MID1: variants seen among roughly 807,000 people sequenced by gnomAD.
MID1 encodes midline 1.
In MID1, 7 loss-of-function variants were observed where a neutral mutation model predicts 40.4. The ratio of observed to expected loss-of-function variants is 0.17; its 90% CI spans 0.10 to 0.33. MID1 has a LOEUF of 0.33. Ranked by LOEUF, MID1 falls within the 10% of genes least tolerant of loss-of-function variation. MID1 has a pLI of 1.00. For missense variants in MID1, 367 were observed against 558.5 expected (o/e 0.66, Z 3.46); for synonymous variants, 229 against 221.2 (o/e 1.04, Z -0.31).
chrX:10,593,949 A>G (rs1935363768), intron 1 of MID1, among the ~76,000 whole-genome samples: 1 of 111,505 alleles, frequency 9.0e-6, no homozygotes, highest in African/African-American at 3.3e-5. Flanking sequence ...ATATTTCCAT[A>G]AAGGACTGAA....
chrX:10,473,462 G>A (rs1457902809), intron 6 of MID1, among the ~76,000 whole-genome samples: 2 of 112,032 alleles, frequency 1.8e-5, no homozygotes, highest in Admixed American at 9.4e-5. Context: ...GGCTAAAAAC[G>A]GCACATTGGG....
At chrX:10,463,595 T>C (rs1441608009) in intron 7 of MID1, among the ~76,000 whole-genome samples, 2 of 112,376 alleles carry the variant, frequency 1.8e-5, no homozygotes, top group Admixed American at 9.4e-5. Flanking sequence ...GCAAAACTGG[T>C]CTTTCTTTTA....
chrX:10,550,144 T>G (rs1569098957), intron 2 of MID1, among the ~76,000 whole-genome samples: 1 of 112,476 alleles, frequency 8.9e-6, no homozygotes, highest in Non-Finnish European at 1.9e-5. Flanking sequence ...CAATTAAAAC[T>G]ATTATACATC....
At chrX:10,512,659 G>A (rs937225634) in intron 3 of MID1, among the ~76,000 whole-genome samples, 7 of 112,201 alleles carry the variant, frequency 6.2e-5, no homozygotes, top group African/African-American at 2.3e-4. Flanking sequence ...CACCTGCAAA[G>A]ATGGACAAGG....
chrX:10,683,124 C>T (rs1186307122), intron 1 of MID1, among the ~76,000 whole-genome samples: 4 of 112,142 alleles, frequency 3.6e-5, no homozygotes, highest in Non-Finnish European at 5.6e-5. Context: ...TCATACTTTA[C>T]GTGAGAGCTG....
chrX:10,675,566 A>G (rs750670066), intron 1 of MID1, among the ~76,000 whole-genome samples: 1 of 111,688 alleles, frequency 9.0e-6, no homozygotes, highest in South Asian at 3.7e-4. Context: ...CTTAAGGGAT[A>G]ATTTGCTTCA....
chrX:10,506,537 T>C (rs1388905099), intron 3 of MID1: 1 of 511,387 alleles, frequency 2.0e-6, no homozygotes, highest in Non-Finnish European at 3.5e-6. Flanking sequence ...CAGGAGCTGG[T>C]TGAAAGCTGT....
chrX:10,804,144 T>C (rs185089069), intron 1 of MID1, among the ~76,000 whole-genome samples: 1 of 112,347 alleles, frequency 8.9e-6, no homozygotes, highest in East Asian at 2.8e-4. Flanking sequence ...AGAATATCCA[T>C]TTCTCTGTTT....
chrX:10,608,574 G>T (rs1339606357), intron 1 of MID1, among the ~76,000 whole-genome samples: 1 of 111,666 alleles, frequency 9.0e-6, no homozygotes, highest in African/African-American at 3.3e-5. Flanking sequence ...GTTTCTGGGG[G>T]TTAGGGATGG....
intron 1 of MID1, among the ~76,000 whole-genome samples, chrX:10,823,270 G>T (rs1158353401): frequency 1.8e-5 from 2 of 111,336 alleles, no homozygotes; most frequent in Non-Finnish European, 3.8e-5. Context: ...CTAACTGAAT[G>T]ATGAGAACAC....
At chrX:10,664,479 G>A (rs747233359) in intron 1 of MID1, among the ~76,000 whole-genome samples, 2 of 111,845 alleles carry the variant, frequency 1.8e-5, no homozygotes, top group African/African-American at 6.5e-5. Flanking sequence ...AATATGCTAC[G>A]TTTTATTTAT....
At chrX:10,553,075 C>T (rs1442731158) in intron 2 of MID1, among the ~76,000 whole-genome samples, 8 of 109,856 alleles carry the variant, frequency 7.3e-5, no homozygotes, top group Non-Finnish European at 1.5e-4. Flanking sequence ...TGGCGAAACC[C>T]CGTCTCTACT....
At chrX:10,592,256 C>T (rs1471722143) in intron 1 of MID1, among the ~76,000 whole-genome samples, 2 of 69,948 alleles carry the variant, frequency 2.9e-5, no homozygotes, top group East Asian at 1.0e-3. Context: ...AACAAAATTT[C>T]CTGCTTAGGG....
intron 2 of MID1, among the ~76,000 whole-genome samples, chrX:10,527,434 A>G (rs1932854084): frequency 1.8e-5 from 2 of 112,041 alleles, no homozygotes; most frequent in Non-Finnish European, 3.8e-5. Flanking sequence ...TTAAGATCAA[A>G]TGAGAAAATG....
At chrX:10,550,681 G>T (rs993727826) in intron 2 of MID1, among the ~76,000 whole-genome samples, 3 of 111,890 alleles carry the variant, frequency 2.7e-5, no homozygotes, top group African/African-American at 9.7e-5. Flanking sequence ...AAGATGCTTT[G>T]CTTCGACTCA....
At position 10,480,609 on chromosome X, in the gene MID1, G is replaced by T. The variant is rs912225018; in HGVS notation, c.1013+1871C>A. Among the ~76,000 whole-genome samples the T allele has an allele frequency of 3.6e-5, 4 of 111,815 alleles. No individual in the cohort carries two copies. In the Admixed American group the frequency reaches 3.8e-4, roughly 11 times the overall value. On this transcript the variant is annotated intron_variant, in intron 5 of 9. Coordinates refer to ENST00000317552, the MANE Select transcript of MID1 (RefSeq NM_000381.4). ...GCTATTTGCAGTTTTTAACTTTAGG[G>T]TGAATATTGAGCAACTGGATATGGC...
chrX:10,642,972 T>C (rs1293196240), intron 1 of MID1, among the ~76,000 whole-genome samples: 1 of 111,761 alleles, frequency 8.9e-6, no homozygotes, highest in Non-Finnish European at 1.9e-5. Context: ...TGTAGAAAGC[T>C]GAAACTGGAT....
intron 1 of MID1, among the ~76,000 whole-genome samples, chrX:10,652,344 TTTG>T (rs1220559698): frequency 3.6e-5 from 4 of 110,900 alleles, no homozygotes; most frequent in Non-Finnish European, 5.7e-5. Flanking sequence ...TCCATGGTTT[TTTG>T]TTGTTGTTGT....
intron 1 of MID1, among the ~76,000 whole-genome samples, chrX:10,702,345 T>C (rs1418838341): frequency 8.9e-6 from 1 of 112,217 alleles, no homozygotes; most frequent in Admixed American, 9.5e-5. Flanking sequence ...TAGGTTGAAT[T>C]TGTTTTTGTG....
Sources: allele counts gnomAD v4.1 joint callset (sites outside exome capture counted in the v4.1 genomes callset), GRCh38; gene constraint gnomAD v4.1.1; transcripts MANE v1.5; gene names NCBI Gene and HGNC (gene_info 2026-07-23, HGNC 2026-07-21).